SLC38A11: variants seen among roughly 807,000 people sequenced by gnomAD.
The protein encoded by SLC38A11 is putative sodium-coupled neutral amino acid transporter 11.
Under a neutral mutation model 49.4 loss-of-function variants are expected in SLC38A11, and 51 were observed. That is an observed-to-expected ratio of 1.03 (90% confidence interval 0.83 to 1.30). SLC38A11 has a LOEUF of 1.30. Among genes scored for constraint, SLC38A11 ranks in the 50% most tolerant of loss-of-function variants. SLC38A11 has a pLI of 0.00. For synonymous variants in SLC38A11, 203 were observed against 192.9 expected, an observed-to-expected ratio of 1.05 and a Z score of -0.43; for missense variants, 574 against 556.2, an observed-to-expected ratio of 1.03 and a Z score of -0.32.
chr2:164,944,743 G>A (rs940860993), intron 4 of SLC38A11, 109 bp from the exon 5 acceptor site: 2 of 388,978 alleles, frequency 5.1e-6, no homozygotes, highest in Non-Finnish European at 9.3e-6. Context: ...TAATCCTACT[G>A]CTTCAAATGT....
intron 7 of SLC38A11, among the ~76,000 whole-genome samples, chr2:164,935,506 CAAAAAAA>C (rs35788781): frequency 7.7e-5 from 8 of 103,814 alleles, no homozygotes; most frequent in Non-Finnish European, 1.1e-4. Context: ...TCCATCTCTA[CAAAAAAA>C]AAAAAAAAAG....
intron 7 of SLC38A11, among the ~76,000 whole-genome samples, chr2:164,917,565 G>GA (rs1422101570): frequency 6.6e-6 from 1 of 152,044 alleles, no homozygotes; most frequent in Non-Finnish European, 1.5e-5. Context: ...TGTTAATGTG[G>GA]AAAAAATACA....
rs772445909 is a variant in SLC38A11, at chr2:164,945,582, A to T, written c.364+11T>A. The T allele has an allele frequency of 1.3e-6, 2 of 1,579,958 alleles. No homozygotes were observed. Among genetic ancestry groups the T allele is most frequent in the Admixed American group, 2.1e-5 (1 of 48,028 alleles). Reference sequence around the variant, plus strand: ...ACATAATTGCAATATTTATCTTCACAGTCAACTTACCTATAAAAGGATACA... The same window carrying T: ...ACATAATTGCAATATTTATCTTCACTGTCAACTTACCTATAAAAGGATACA... On this transcript the variant is annotated intron_variant, in intron 4 of 11. Transcript: ENST00000685975.
Position 164,935,506 on chromosome 2 carries a change from CAAA to C in SLC38A11, c.617+1841_617+1843del, listed in dbSNP as rs35788781. ...GCAACATAGTGAGACTCCATCTCTA[CAAA>C]AAAAAAAAAAAAAGAAAGAAAGAAA... On this transcript the variant is annotated intron_variant, in intron 7 of 11. Coordinates refer to ENST00000685975, the MANE Select transcript of SLC38A11 (RefSeq NM_001351537.2). 2.9e-4 allele frequency among the ~76,000 whole-genome samples: 30 copies of C among 103,806 alleles called. No individual in the cohort carries two copies. The East Asian group carries it at 5.3e-3, about 18-fold the overall frequency. The allele number at this position is 103,806 out of a possible 152,430, so 68.1% of individuals were successfully genotyped here. A position where few individuals can be genotyped will look rare whatever the true frequency, so the allele number is the denominator to read the frequency against.
In SLC38A11 at chr2:164,945,732, G is replaced by A; in HGVS notation, c.230-5C>T. 1.9e-6 allele frequency: 3 copies of A among 1,599,894 alleles called. No homozygotes were observed. The South Asian group carries it at 3.4e-5, about 18-fold the overall frequency. ...TCAATAAAACAAGGGAAAAGTCTGT[G>A]GCAAGAACATCAATTAAATGTCAGA... On this transcript the variant is annotated splice_region_variant and splice_polypyrimidine_tract_variant and intron_variant, in intron 3 of 11. Transcript: ENST00000685975.
At chr2:164,910,308 G>A (rs1685310416) in intron 10 of SLC38A11, among the ~76,000 whole-genome samples, 1 of 152,086 alleles carries the variant, frequency 6.6e-6, no homozygotes, top group Non-Finnish European at 1.5e-5. Context: ...CAGGCAGGCA[G>A]TTTACTAGCA....
Position 164,906,956 on chromosome 2 carries a change from C to T in SLC38A11, c.1095+1684G>A, listed in dbSNP as rs117740408. Among the ~76,000 whole-genome samples, 729 of 152,210 alleles carry T rather than the reference C, an allele frequency of 4.8e-3. 38 individuals are homozygous for T. In the East Asian group the frequency reaches 0.11, roughly 22 times the overall value. On this transcript the variant is annotated intron_variant, in intron 11 of 11. Coordinates refer to ENST00000685975, the MANE Select transcript of SLC38A11 (RefSeq NM_001351537.2). ...ACCTATGCCTCAATTCTCAATGAAA[C>T]GAGTAAATGATGACTTGGGATCCCA...
chr2:164,951,871 AG>A (rs1053633149), intron 3 of SLC38A11, among the ~76,000 whole-genome samples: 35 of 152,312 alleles, frequency 2.3e-4, no homozygotes, highest in African/African-American at 8.2e-4. Context: ...CTGGAGGCCC[AG>A]GGCAACACTC....
intron 3 of SLC38A11, among the ~76,000 whole-genome samples, chr2:164,948,024 AT>A (rs1275562029): frequency 6.6e-6 from 1 of 152,146 alleles, no homozygotes; most frequent in Non-Finnish European, 1.5e-5. Context: ...CATAAATCTA[AT>A]TTTGCCTTCT....
At chr2:164,949,124 C>T (rs945374628) in intron 3 of SLC38A11, among the ~76,000 whole-genome samples, 1 of 151,276 alleles carries the variant, frequency 6.6e-6, no homozygotes, top group African/African-American at 2.4e-5. Context: ...TACTGGTGAT[C>T]GGTATATATT....
intron 7 of SLC38A11, among the ~76,000 whole-genome samples, chr2:164,919,658 C>T (rs961536438): frequency 6.6e-6 from 1 of 152,132 alleles, no homozygotes; most frequent in Non-Finnish European, 1.5e-5. Context: ...ATAACTTAAG[C>T]ACATACTTTT....
At chr2:164,901,029 A>C (rs1198945209) in intron 11 of SLC38A11, among the ~76,000 whole-genome samples, 1 of 151,768 alleles carries the variant, frequency 6.6e-6, no homozygotes, top group Non-Finnish European at 1.5e-5. Flanking sequence ...TTGAGAATCC[A>C]TTTTTCCCAG....
At chr2:164,898,856 T>C in intron 11 of SLC38A11, 126 bp from the exon 12 acceptor site, 1 of 826,558 alleles carries the variant, frequency 1.2e-6, no homozygotes, top group Middle Eastern at 2.7e-4. Context: ...TTCAGTTGAA[T>C]CAAACAAAGG....
At chr2:164,899,049 A>G (rs960950509) in intron 11 of SLC38A11, among the ~76,000 whole-genome samples, 2 of 152,074 alleles carry the variant, frequency 1.3e-5, no homozygotes, top group Non-Finnish European at 2.9e-5. Flanking sequence ...AATTTCCTGT[A>G]TTTTCAGTTC....
intron 7 of SLC38A11, among the ~76,000 whole-genome samples, chr2:164,935,124 C>T (rs1380804509): frequency 1.3e-5 from 2 of 151,846 alleles, no homozygotes; most frequent in Non-Finnish European, 2.9e-5. Flanking sequence ...CTCGGCTTCC[C>T]TTTCATGTTT....
chr2:164,946,777 A>G (rs1160249070), intron 3 of SLC38A11, among the ~76,000 whole-genome samples: 1 of 152,028 alleles, frequency 6.6e-6, no homozygotes, highest in Non-Finnish European at 1.5e-5. Flanking sequence ...TCTCATTTTT[A>G]TCCATTAAGT....
Position 164,927,376 on chromosome 2 carries a change from C to T in SLC38A11, c.617+9974G>A, listed in dbSNP as rs548295196. Among the ~76,000 whole-genome samples the T allele has an allele frequency of 1.7e-4, 26 of 152,240 alleles. No individual in the cohort carries two copies. The South Asian group carries it at 3.7e-3, about 22-fold the overall frequency. ...ATAGAAAGACTGAGTAAGAACAGAA[C>T]CAATTTCAGCAGTTTTTCAAAAGAG... On this transcript the variant is annotated intron_variant, in intron 7 of 11. Transcript: ENST00000685975.
intron 3 of SLC38A11, among the ~76,000 whole-genome samples, chr2:164,948,982 C>CATAAA (rs1688330620): frequency 6.7e-6 from 1 of 150,224 alleles, no homozygotes; most frequent in Admixed American, 6.7e-5. Flanking sequence ...ATGCCAGTCT[C>CATAAA]TGTCATCATG....
chr2:164,944,522 T>C (rs1687980823), intron 5 of SLC38A11, 47 bp downstream of exon 5: 1 of 864,166 alleles, frequency 1.2e-6, no homozygotes, highest in Non-Finnish European at 1.6e-6. Flanking sequence ...TAAATAACTA[T>C]ATAAAATAAA....
Sources: gnomAD v4.1 joint callset for allele counts (sites outside exome capture counted in the v4.1 genomes callset) on GRCh38, gnomAD v4.1.1 for gene constraint, MANE v1.5 for transcripts, NCBI Gene and HGNC (gene_info 2026-07-23, HGNC 2026-07-21) for gene names.